CDH3: variants seen among roughly 807,000 people sequenced by gnomAD.
CDH3 encodes cadherin-3.
A neutral mutation model predicts 82.0 loss-of-function variants in CDH3; 54 were observed. That is an observed-to-expected ratio of 0.66 (90% CI 0.53 to 0.83). The LOEUF (loss-of-function observed/expected upper bound fraction) is 0.83. Among genes scored for constraint, CDH3 ranks in the 40% least tolerant of loss-of-function variants. The pLI is 0.00. For synonymous variants in CDH3, 446 were observed against 437.9 expected, an observed-to-expected ratio of 1.02 and a Z score of -0.23; for missense variants, 1,054 against 1,084.6, an observed-to-expected ratio of 0.97 and a Z score of 0.40.
chr16:68,672,544 G>A (rs1184997925), intron 2 of CDH3, among the ~76,000 whole-genome samples: 2 of 152,168 alleles, frequency 1.3e-5, no homozygotes, highest in African/African-American at 4.8e-5. Flanking sequence ...CTACAAAGCT[G>A]TGTGCTGGCA....
chr16:68,717,637 G>T (rs979466848), intron 1 of CDH3, among the ~76,000 whole-genome samples: 1 of 152,130 alleles, frequency 6.6e-6, no homozygotes, highest in African/African-American at 2.4e-5. Context: ...GCCGGGCGTG[G>T]TGGCAGGCAC....
intron 12 of CDH3, among the ~76,000 whole-genome samples, chr16:68,691,487 T>C (rs1302133055): frequency 6.6e-6 from 1 of 152,222 alleles, no homozygotes; most frequent in Non-Finnish European, 1.5e-5. Context: ...GATTATTGAT[T>C]TTTTTAAAAG....
At chr16:68,730,942 TC>T (rs1432482911), downstream of CDH3, among the ~76,000 whole-genome samples, 1 of 128,538 alleles carries the variant, frequency 7.8e-6, no homozygotes, top group African/African-American at 3.0e-5. Context: ...ATGGCTTGAA[TC>T]CAAGAGGCCG....
At position 68,645,388 on chromosome 16, in the gene CDH3, C is replaced by T. The variant is rs750494924; in HGVS notation, c.9C>T (p.Leu3=). 2.5e-6 allele frequency: 4 copies of T among 1,613,448 alleles called. No homozygotes were observed. In the South Asian group the frequency reaches 4.4e-5, roughly 18 times the overall value. Residue 3 remains leucine (L), a synonymous_variant, in exon 1 of 16, where the codon CTC becomes CTT. Coordinates refer to ENST00000264012, the MANE Select transcript of CDH3 (RefSeq NM_001793.6). ...CCCCTCTCTCTGCAGCCATGGGGCT[C>T]CCTCGTGGACCTCTCGCGTCTCTCC... is the stretch of plus-strand genomic sequence containing the variant. MG[L]PRGPLASLLL... is the part of the protein sequence containing the mutation.
chr16:68,674,426 T>C lies in CDH3; in HGVS notation c.161-1959T>C, dbSNP rs1311646892. Among the ~76,000 whole-genome samples, 3 of 152,306 alleles carry C rather than the reference T, an allele frequency of 2.0e-5. No homozygotes were observed. The East Asian group carries it at 5.8e-4, about 29-fold the overall frequency. On this transcript the variant is annotated intron_variant, in intron 2 of 15. Transcript: ENST00000264012. ...TGAATTCTTTACATATTCTGGATAT[T>C]AATCGTTTAGGATTCTTCTTTTTCG... is the stretch of plus-strand genomic sequence containing the variant.
chr16:68,708,976 A>G (rs1207039388), intron 1 of CDH3, among the ~76,000 whole-genome samples: 4 of 151,778 alleles, frequency 2.6e-5, no homozygotes, highest in Non-Finnish European at 4.4e-5. Context: ...ACTGGGTTTC[A>G]CTATGTTGAC....
At position 68,718,681 on chromosome 16, in the gene CDH3, CA is replaced by C. The variant is rs1214971624; in HGVS notation, c.100-3737del. Among the ~76,000 whole-genome samples, 18 of 151,486 alleles carry C rather than the reference CA, an allele frequency of 1.2e-4. 1 individual carries two copies. The South Asian group carries it at 3.5e-3, about 30-fold the overall frequency. On this transcript the variant is annotated intron_variant, in intron 1 of 2. Transcript: ENST00000569080. Reference sequence around the variant, plus strand: ...TGGGCAACAGAATGAGACTCTGTCTCAAAAAAATAAAAATAAAAAAGGAAAA... The same window carrying C: ...TGGGCAACAGAATGAGACTCTGTCTCAAAAAATAAAAATAAAAAAGGAAAA...
At chr16:68,673,166 G>A (rs1960933095) in intron 2 of CDH3, among the ~76,000 whole-genome samples, 1 of 152,170 alleles carries the variant, frequency 6.6e-6, no homozygotes, top group Non-Finnish European at 1.5e-5. Context: ...GTACATCACA[G>A]TGGACTTTCT....
At position 68,691,255 on chromosome 16, in the gene CDH3, C is replaced by T. The variant is rs563971779; in HGVS notation, c.1796-465C>T. On this transcript the variant is annotated intron_variant, in intron 12 of 15. Transcript: ENST00000264012. ...TCTTGACCTCGTGATCTGCCCACTT[C>T]GGCCTCTCAAAGTGCCGGGATTGCA... is the stretch of plus-strand genomic sequence containing the variant. Among the ~76,000 whole-genome samples, 65 of 152,152 alleles carry T rather than the reference C, an allele frequency of 4.3e-4. 1 individual carries two copies. The highest frequency in any genetic ancestry group is 3.2e-4 in the Non-Finnish European group (22 of 68,014).
chr16:68,671,497 C>T (rs1044751959), intron 2 of CDH3, among the ~76,000 whole-genome samples: 1 of 151,124 alleles, frequency 6.6e-6, no homozygotes, highest in Non-Finnish European at 1.5e-5. Context: ...TGGATTAGGG[C>T]CTAGCCTAAT....
chr16:68,696,818 T>A (rs951767108), intron 15 of CDH3: 2 of 152,220 alleles, frequency 1.3e-5, no homozygotes, highest in African/African-American at 4.8e-5. Flanking sequence ...CAAACCACAT[T>A]TTTAGGAGGC....
At chr16:68,733,389 A>G in the CDH3 span, among the ~76,000 whole-genome samples, 19 of 151,974 alleles carry the variant, frequency 1.3e-4, no homozygotes, top group African/African-American at 4.6e-4. Flanking sequence ...CTAGCCTCCC[A>G]AAGTGCTGCG....
In CDH3 at chr16:68,670,291, C is replaced by T. The variant is rs532344465; in HGVS notation, c.161-6094C>T. ...AGTTCTTGAATGAATGCTGCATTGA[C>T]GAACCTGGCTTTAGAACCTGACCAC... On this transcript the variant is annotated intron_variant, in intron 2 of 15. Transcript: ENST00000264012. Among the ~76,000 whole-genome samples, 22 of 151,186 alleles carry T rather than the reference C, an allele frequency of 1.5e-4. No homozygotes were observed. In the East Asian group the frequency reaches 1.9e-3, roughly 13 times the overall value.
At position 68,678,273 on chromosome 16, in the gene CDH3, A is replaced by T; in HGVS notation, c.386A>T (p.Asn129Ile). ...AAGGGTCCCTTCCCCCAGAGACTGA[A>T]TCAGGTACGACTGTGCCTTCTCCTG... Reference protein sequence around the residue: ...NGKGPFPQRLNQLKSNKDRDT... With the variant: ...NGKGPFPQRLIQLKSNKDRDT... Residue 129 changes from asparagine (N) to isoleucine (I), a missense_variant, in exon 4 of 16, where the codon AAT (asparagine) becomes ATT (isoleucine). Asn to Ile is a moderately radical substitution (Grantham distance 149). Transcript: ENST00000264012. 1.2e-6 allele frequency: 2 copies of T among 1,614,144 alleles called. No homozygotes were observed. The highest frequency in any genetic ancestry group is 1.7e-6 in the Non-Finnish European group (2 of 1,180,008).
chr16:68,668,516 A>G (rs1480244284), intron 2 of CDH3, among the ~76,000 whole-genome samples: 1 of 152,212 alleles, frequency 6.6e-6, no homozygotes, highest in African/African-American at 2.4e-5. Context: ...GTCTTGACTC[A>G]TAGCTTGCAG....
At chr16:68,646,910 A>G (rs900836326) in intron 2 of CDH3, among the ~76,000 whole-genome samples, 1 of 152,066 alleles carries the variant, frequency 6.6e-6, no homozygotes, top group Non-Finnish European at 1.5e-5. Flanking sequence ...TGCCTAGGGG[A>G]CAGAGTGGCT....
At position 68,707,628 on chromosome 16, in the gene CDH3, C is replaced by T. The variant is rs1382141173; in HGVS notation, c.99+11705C>T. Reference sequence around the variant, plus strand: ...ATGTGGGAGTGACTCACCACCCTGGCCTCTCAGTGGGCTGAAAGGAGACCC... The same window carrying T: ...ATGTGGGAGTGACTCACCACCCTGGTCTCTCAGTGGGCTGAAAGGAGACCC... On this transcript the variant is annotated intron_variant, in intron 1 of 2. Coordinates refer to the CDH3 transcript ENST00000569080. The surrounding 1 kb of genome is among the most constrained non-coding windows in gnomAD (Gnocchi z 4.5). Among the ~76,000 whole-genome samples, 1 of 152,126 alleles carries T rather than the reference C, an allele frequency of 6.6e-6. No homozygotes were observed. Among genetic ancestry groups the T allele is most frequent in the Non-Finnish European group, 1.5e-5 (1 of 68,000 alleles).
chr16:68,651,493 C>T (rs1412002483), intron 2 of CDH3: 9 of 414,866 alleles, frequency 2.2e-5, no homozygotes, highest in Admixed American at 8.4e-5. Context: ...GTGTTCTAGT[C>T]GAAGTTTTGC....
chr16:68,689,411 C>G (rs1961502269), intron 12 of CDH3, among the ~76,000 whole-genome samples: 2 of 152,112 alleles, frequency 1.3e-5, no homozygotes. Flanking sequence ...TAGCACATGC[C>G]TGTAATCCCA....
Sources: allele counts gnomAD v4.1 joint callset (sites outside exome capture counted in the v4.1 genomes callset), GRCh38; gene constraint gnomAD v4.1.1; non-coding constraint Gnocchi (gnomAD v3.1); transcripts MANE v1.5; gene names NCBI Gene and HGNC (gene_info 2026-07-23, HGNC 2026-07-21).